The following FBF1 variants were observed in gnomAD, a reference collection of about 807,000 sequenced individuals.
FBF1 encodes the protein Fas binding factor 1.
In FBF1, 119 loss-of-function variants were observed where a neutral mutation model predicts 147.2. The observed-to-expected ratio is 0.81, with a 90% CI of 0.70 to 0.94. The LOEUF (loss-of-function observed/expected upper bound fraction) is 0.94, where lower values mean the gene tolerates loss of function less well. Ranked by LOEUF, FBF1 falls within the 40% of genes least tolerant of loss-of-function variation. The pLI is 0.00. For synonymous variants in FBF1, 601 were observed against 609.0 expected (o/e 0.99, Z 0.19); for missense variants, 1,449 against 1,500.8 (o/e 0.97, Z 0.57).
rs1243880461 is a variant in FBF1, at chr17:75,920,432, G to A, written c.1675-3C>T. 2 of 1,603,968 alleles carry A rather than the reference G, an allele frequency of 1.2e-6. No individual in the cohort carries two copies. The highest frequency in any genetic ancestry group is 1.1e-5 in the South Asian group (1 of 89,064). The stretch of plus-strand genomic sequence containing the variant: ...GCCAGGGACTCTGGGAGCAGGGGCT[G>A]GAGGAGAGGAAGAGAGGTGTTTCTA... On this transcript the variant is annotated splice_region_variant and splice_polypyrimidine_tract_variant and intron_variant, in intron 17 of 29. Coordinates refer to ENST00000636174, the MANE Select transcript of FBF1 (RefSeq NM_001319193.2).
chr17:75,938,746 A>T (rs1174206701), intron 1 of FBF1, among the ~76,000 whole-genome samples: 2 of 151,754 alleles, frequency 1.3e-5, no homozygotes, highest in Non-Finnish European at 2.9e-5. Flanking sequence ...GGCACCTGTA[A>T]TCCCAGCTAC....
Position 75,921,535 on chromosome 17 carries a change from C to T in FBF1, c.1552G>A (p.Ala518Thr), listed in dbSNP as rs201233985. 105 of 1,608,266 alleles carry T rather than the reference C, an allele frequency of 6.5e-5. 1 individual carries two copies. The highest frequency in any genetic ancestry group is 4.3e-4 in the South Asian group (39 of 90,746). The part of the protein sequence containing the change: ...SGSPVTQNHA[A>T]SALPTGSPKR... ...GGGGAACCTGTAGGGAGTGCTGAGG[C>T]GGCATGGTTCTGAGTCACAGGGGAC... Residue 518 changes from alanine to threonine, a missense_variant, in exon 16 of 30, where the codon GCC becomes ACC. Coordinates refer to ENST00000636174, the MANE Select transcript of FBF1 (RefSeq NM_001319193.2).
intron 3 of FBF1, among the ~76,000 whole-genome samples, chr17:75,935,991 C>A (rs1182575867): frequency 6.6e-6 from 1 of 151,382 alleles, no homozygotes; most frequent in African/African-American, 2.4e-5. Context: ...GCCTGACCAA[C>A]ATGGCAAAAC....
chr17:75,913,590 A>G (rs2065468266), intron 28 of FBF1, 112 bp downstream of exon 28: 1 of 744,152 alleles, frequency 1.3e-6, no homozygotes, highest in South Asian at 2.1e-5. Flanking sequence ...TAAGGCGACT[A>G]TAAAACCCAG....
rs1182248690 is a variant in FBF1 at position 75,918,168 on chromosome 17, T to A, written c.2240A>T (p.His747Leu). ...GTTGGGGCAGCGCACATACCGCGTG[T>A]GGGAGGTGGCACTGGTGGCCGCATC... ...EVDAATSATS[H>L]TRSLNSIIHQ... The change falls in exon 21 of 30, where the codon CAC becomes CTC. Residue 747 changes from histidine to leucine, a missense_variant. His to Leu is a moderately conservative substitution (Grantham distance 99). Coordinates refer to ENST00000636174, the MANE Select transcript of FBF1 (RefSeq NM_001319193.2). This position sits in a 1 kb window ranked among gnomAD's most constrained non-coding sequence, Gnocchi z 5.8. 5 of 1,613,334 alleles carry A rather than the reference T, an allele frequency of 3.1e-6. No homozygotes were observed. The highest frequency in any genetic ancestry group is 4.2e-6 in the Non-Finnish European group (5 of 1,179,814).
rs2065535468 is a variant in FBF1, at chr17:75,922,704, AG to A, written c.1424+481del. Reference sequence around the variant, plus strand: ...CACTCGCTATCCTGCCCCACGGATAAGGGCTTCTCCAAGAGGCGCCTCTCGG... The same window carrying A: ...CACTCGCTATCCTGCCCCACGGATAAGGCTTCTCCAAGAGGCGCCTCTCGG... On this transcript the variant is annotated intron_variant, in intron 14 of 29. Coordinates refer to ENST00000636174, the MANE Select transcript of FBF1 (RefSeq NM_001319193.2). The surrounding 1 kb of genome is among the most constrained non-coding windows in gnomAD (Gnocchi z 5.0). Among the ~76,000 whole-genome samples the A allele has an allele frequency of 6.6e-6, 1 of 152,180 alleles. No homozygotes were observed. The highest frequency in any genetic ancestry group is 2.1e-4 in the South Asian group (1 of 4,830).
rs1184612272 is a variant in FBF1 at position 75,909,981 on chromosome 17, G to T, written c.*742C>A. 1 of 692,778 alleles carries T rather than the reference G, an allele frequency of 1.4e-6. No individual in the cohort carries two copies. Among genetic ancestry groups the T allele is most frequent in the Admixed American group, 2.0e-5 (1 of 49,672 alleles). 42.9% of individuals were successfully genotyped at this position (692,778 alleles called of 1,614,324 possible). On this transcript the variant is annotated 3_prime_UTR_variant, in exon 30 of 30. Coordinates refer to ENST00000636174, the MANE Select transcript of FBF1 (RefSeq NM_001319193.2). ...ACCCGCTGAGCTGGGCTTTGGGCAG[G>T]TGAGCAGCACAGAGGCTTCCCTCCT...
intron 10 of FBF1, 117 bp downstream of exon 10, chr17:75,926,641 C>G (rs2065563620): frequency 6.8e-7 from 1 of 1,460,350 alleles, no homozygotes; most frequent in African/African-American, 1.4e-5. Flanking sequence ...TTGTACTGGA[C>G]CTTAGACCTC....
At chr17:75,931,821 T>G (rs1195780484) in intron 5 of FBF1, among the ~76,000 whole-genome samples, 1 of 151,514 alleles carries the variant, frequency 6.6e-6, no homozygotes, top group Non-Finnish European at 1.5e-5. Flanking sequence ...GAAAAACAAC[T>G]GCTCCAGATC....
rs2065500191 is a variant in FBF1 at position 75,918,082 on chromosome 17, C to G, written c.2247-12G>C. On this transcript the variant is annotated splice_polypyrimidine_tract_variant and intron_variant, in intron 21 of 29. Transcript: ENST00000636174. The surrounding 1 kb of genome is among the most constrained non-coding windows in gnomAD (Gnocchi z 5.8). ...TGCTATTCAGGGACCTGGAAGAAGA[C>G]TGGGTCACCCCCTCCTGACGGTCTC... is the stretch of plus-strand genomic sequence containing the variant. The G allele has an allele frequency of 7.5e-6, 12 of 1,606,084 alleles. No individual in the cohort carries two copies. Among genetic ancestry groups the G allele is most frequent in the Non-Finnish European group, 9.4e-6 (11 of 1,175,100 alleles).
rs368918812 is a variant in FBF1, at chr17:75,910,389, G to A, written c.*334C>T. The A allele has an allele frequency of 1.9e-5, 7 of 360,890 alleles. No homozygotes were observed. The highest frequency in any genetic ancestry group is 1.2e-4 in the African/African-American group (6 of 48,494). 22.4% of individuals were successfully genotyped at this position (360,890 alleles called of 1,614,324 possible). On this transcript the variant is annotated 3_prime_UTR_variant, in exon 30 of 30. Transcript: ENST00000636174. This position sits in a 1 kb window ranked among gnomAD's most constrained non-coding sequence, Gnocchi z 4.1. ...CACAACAGTCTACCTGTGGAGCAGG[G>A]GGAGCCCACAGAGCCCAGGGGGAGC...
In FBF1 at chr17:75,912,246, G is replaced by A. The variant is rs779008610; in HGVS notation, c.3309C>T (p.Pro1103=). ...WCSQPPTGLD[P]SPLHLHARLA... ...GCCTGGCATGGAGGTGCAAGGGGCT[G>A]GGGTCCAGGCCAGTTGGCGGCTGGC... is the stretch of plus-strand genomic sequence containing the variant. Residue 1103 remains proline, a synonymous_variant, in exon 29 of 30, where the codon CCC becomes CCT. Coordinates refer to ENST00000636174, the MANE Select transcript of FBF1 (RefSeq NM_001319193.2). The A allele has an allele frequency of 1.2e-6, 2 of 1,611,618 alleles. No homozygotes were observed. Among genetic ancestry groups the A allele is most frequent in the East Asian group, 4.5e-5 (2 of 44,866 alleles).
chr17:75,935,788 G>T, intron 3 of FBF1, 115 bp from the exon 4 acceptor site: 1 of 937,492 alleles, frequency 1.1e-6, no homozygotes, highest in Non-Finnish European at 1.5e-6. Flanking sequence ...TGGGACTTAG[G>T]CTTAGCTCTC....
rs752101007 is a variant in FBF1 at position 75,920,256 on chromosome 17, G to A, written c.1830+18C>T. The stretch of plus-strand genomic sequence containing the variant: ...TCGCAACCCTGCCACCAGCACCAAC[G>A]GCCCCGCTGCCCCTCACCTGGGCCT... On this transcript the variant is annotated intron_variant, in intron 18 of 29. Coordinates refer to ENST00000636174, the MANE Select transcript of FBF1 (RefSeq NM_001319193.2). 2.5e-6 allele frequency: 4 copies of A among 1,603,456 alleles called. No individual in the cohort carries two copies. The highest frequency in any genetic ancestry group is 3.4e-6 in the Non-Finnish European group (4 of 1,174,382).
Position 75,913,972 on chromosome 17 carries a change from A to G in FBF1, c.3070T>C (p.Leu1024=). The G allele has an allele frequency of 1.3e-6, 2 of 1,559,880 alleles. No homozygotes were observed. The highest frequency in any genetic ancestry group is 1.7e-6 in the Non-Finnish European group (2 of 1,159,484). ...TCCTGCTGTTGCTGCACCGCCTGCA[A>G]CCGGGCCTGCTGCTCTGCCTGCACC... The part of the protein sequence containing the change: ...QQVQAEQQAR[L]QAVQQQQERL... The change falls in exon 27 of 30, where the codon TTG becomes CTG. Residue 1024 remains leucine (L), a synonymous_variant. Coordinates refer to ENST00000636174, the MANE Select transcript of FBF1 (RefSeq NM_001319193.2).
chr17:75,911,479 T>A (rs915708997), intron 29 of FBF1, among the ~76,000 whole-genome samples: 33 of 152,202 alleles, frequency 2.2e-4, no homozygotes, highest in African/African-American at 7.7e-4. Flanking sequence ...CCCAAGTAGC[T>A]GGGACTATAG....
At position 75,912,388 on chromosome 17, in the gene FBF1, C is replaced by T. The variant is rs2144148604; in HGVS notation, c.3248-81G>A. ...GTCACAGCTTGTTCCTGCAGAGCTG[C>T]TCCCCCCGCCAGTGGGTGGACCCTG... On this transcript the variant is annotated intron_variant, in intron 28 of 29. Transcript: ENST00000636174. 6 of 1,074,446 alleles carry T rather than the reference C, an allele frequency of 5.6e-6. No homozygotes were observed. In the East Asian group the frequency reaches 1.4e-4, roughly 24 times the overall value. 66.6% of individuals were successfully genotyped at this position (1,074,446 alleles called of 1,614,324 possible).
intron 4 of FBF1, among the ~76,000 whole-genome samples, chr17:75,934,092 A>T (rs763618060): frequency 1.3e-5 from 2 of 152,372 alleles, no homozygotes; most frequent in South Asian, 4.1e-4. Context: ...ACGAACGTTC[A>T]TAACAGCATT....
At position 75,913,897 on chromosome 17, in the gene FBF1, A is replaced by T. The variant is rs779470655; in HGVS notation, c.3129+16T>A. 1.0e-4 allele frequency: 160 copies of T among 1,548,044 alleles called. 1 individual carries two copies. The African/African-American group carries it at 1.2e-3, about 11-fold the overall frequency. On this transcript the variant is annotated intron_variant, in intron 27 of 29. Transcript: ENST00000636174. ...GGTGCCGGGGGCAGGGGCGCCATAC[A>T]CTCAGGGAGCCTTGCCTGGTGCATG... is the stretch of plus-strand genomic sequence containing the variant.
Sources: gnomAD v4.1 joint callset for allele counts (sites outside exome capture counted in the v4.1 genomes callset) on GRCh38, gnomAD v4.1.1 for gene constraint, Gnocchi (gnomAD v3.1) non-coding constraint, MANE v1.5 for transcripts, NCBI Gene and HGNC (gene_info 2026-07-23, HGNC 2026-07-21) for gene names.